OXER1: variants seen among roughly 807,000 people sequenced by gnomAD.
The protein encoded by OXER1 is oxoeicosanoid receptor 1.
For synonymous variants in OXER1, 258 were observed against 245.8 expected (o/e 1.05, Z -0.47); for missense variants, 587 against 551.7 (o/e 1.06, Z -0.64).
exon 1 of OXER1, chr2:42,764,104 T>G (rs1376241893): frequency 6.2e-7 from 1 of 1,614,034 alleles, no homozygotes; most frequent in South Asian, 1.1e-5. Context: ...TTCTGGAGTC[T>G]TCTACCCCTG....
chr2:42,762,925 C>T, exon 1 of OXER1: 2 of 1,612,768 alleles, frequency 1.2e-6, no homozygotes, highest in Non-Finnish European at 1.7e-6. Flanking sequence ...TGGGAGGAGC[C>T]TTCCTTTTCC....
In OXER1 at chr2:42,763,451, G is replaced by A. The variant is rs1029243253; in HGVS notation, c.729C>T (p.Gly243=). Residue 243 remains glycine (G), a synonymous_variant, in exon 1 of 1, where the codon GGC becomes GGT. Coordinates refer to ENST00000378661, the Ensembl canonical transcript of OXER1. The surrounding 1 kb of genome is among the most constrained non-coding windows in gnomAD (Gnocchi z 4.4). ...AGCGGAGCGAGGCCGAGGGCTTCGT[G>A]CCCACCCTGTAGCTGAGGCAGGAGG... 3.2e-6 allele frequency: 5 copies of A among 1,566,802 alleles called. No homozygotes were observed. The highest frequency in any genetic ancestry group is 3.5e-6 in the Non-Finnish European group (4 of 1,156,046).
exon 1 of OXER1, chr2:42,762,941 G>A: frequency 6.2e-7 from 1 of 1,613,482 alleles, no homozygotes. Flanking sequence ...TTTCCAGAGA[G>A]ACCTCGCCCT....
Position 42,763,629 on chromosome 2 carries a change from G to A in OXER1, c.551C>T (p.Thr184Ile). 6.2e-7 allele frequency: 1 copy of A among 1,613,542 alleles called. No homozygotes were observed. The highest frequency in any genetic ancestry group is 8.5e-7 in the Non-Finnish European group (1 of 1,179,772). ...CAGGTAGCGGTTGAGTGCGATGGCTGTGAGGAAGACAACGCTGGCCGTGCG... is the reference window on the plus strand; with the variant it reads ...CAGGTAGCGGTTGAGTGCGATGGCTATGAGGAAGACAACGCTGGCCGTGCG... The change falls in exon 1 of 1, where the codon ACA becomes ATA. Residue 184 changes from threonine (T) to isoleucine (I), a missense_variant. Thr to Ile is a moderately conservative substitution (Grantham distance 89). Coordinates refer to ENST00000378661, the Ensembl canonical transcript of OXER1. This position sits in a 1 kb window ranked among gnomAD's most constrained non-coding sequence, Gnocchi z 4.4.
chr2:42,763,382 C>T lies in OXER1; in HGVS notation c.798G>A (p.Ala266=), dbSNP rs12712859. ...TGCTCACAATAGCAAAGAGGATGAGCGCCAGTGGCAGGAAGAACTCCAGCA... is the reference window on the plus strand; with the variant it reads ...TGCTCACAATAGCAAAGAGGATGAGTGCCAGTGGCAGGAAGAACTCCAGCA... Residue 266 remains alanine, a synonymous_variant, in exon 1 of 1, where the codon GCG becomes GCA. Coordinates refer to ENST00000378661, the Ensembl canonical transcript of OXER1. This position sits in a 1 kb window ranked among gnomAD's most constrained non-coding sequence, Gnocchi z 4.4. 379,446 of 1,605,188 alleles carry T rather than the reference C, an allele frequency of 0.24. 50,172 individuals carry two copies. Among genetic ancestry groups the T allele is most frequent in the East Asian group, 0.63 (28,263 of 44,548 alleles).
exon 1 of OXER1, chr2:42,762,531 A>G (rs1421969715): frequency 4.6e-6 from 1 of 215,398 alleles, no homozygotes; most frequent in Non-Finnish European, 9.2e-6. Context: ...TAATATTGGA[A>G]GGGACAAACT....
rs1479746040 is a variant in OXER1, at chr2:42,763,863, C to A, written c.317G>T (p.Gly106Val). The change falls in exon 1 of 1, where the codon GGC becomes GTC. Residue 106 changes from glycine to valine, a missense_variant. Gly to Val is a moderately radical substitution (Grantham distance 109, BLOSUM62 -3). Coordinates refer to ENST00000378661, the Ensembl canonical transcript of OXER1. This position sits in a 1 kb window ranked among gnomAD's most constrained non-coding sequence, Gnocchi z 4.4. ...GAGGGCCAAACTGTTCCCCACCAGG[C>A]CCAGGACAAACTCCAGGGCCAGGAT... 2 of 1,613,900 alleles carry A rather than the reference C, an allele frequency of 1.2e-6. No individual in the cohort carries two copies. Among genetic ancestry groups the A allele is most frequent in the South Asian group, 2.2e-5 (2 of 91,082 alleles).
Position 42,763,590 on chromosome 2 carries a change from G to T in OXER1, c.590C>A (p.Pro197His). The change falls in exon 1 of 1, where the codon CCC becomes CAC. Residue 197 changes from proline (P) to histidine (H), a missense_variant. Transcript: ENST00000378661. This position sits in a 1 kb window ranked among gnomAD's most constrained non-coding sequence, Gnocchi z 4.4. Reference sequence around the variant, plus strand: ...GGAAGCACGGCTCAGCACGTGGTGGGGCTGCACCACCTTCAGGTAGCGGTT... The same window carrying T: ...GGAAGCACGGCTCAGCACGTGGTGGTGCTGCACCACCTTCAGGTAGCGGTT... 1.2e-6 allele frequency: 2 copies of T among 1,602,642 alleles called. No homozygotes were observed. The highest frequency in any genetic ancestry group is 1.7e-6 in the Non-Finnish European group (2 of 1,174,848).
Position 42,762,936 on chromosome 2 carries a change from A to G in OXER1, c.1244T>C (p.Leu415Pro), listed in dbSNP as rs754291238. 1.6e-5 allele frequency: 26 copies of G among 1,613,178 alleles called. No individual in the cohort carries two copies. In the East Asian group the frequency reaches 5.8e-4, roughly 36 times the overall value. ...GCCCTGGGAGGAGCCTTCCTTTTCCAGAGAGACCTCGCCCTGCACTTTCAG... is the reference window on the plus strand; with the variant it reads ...GCCCTGGGAGGAGCCTTCCTTTTCCGGAGAGACCTCGCCCTGCACTTTCAG... Residue 415 changes from leucine (L) to proline (P), a missense_variant, in exon 1 of 1, where the codon CTG becomes CCG. Transcript: ENST00000378661.
At position 42,763,499 on chromosome 2, in the gene OXER1, C is replaced by G. The variant is rs1156308501; in HGVS notation, c.681G>C (p.Leu227=). 1 of 1,555,282 alleles carries G rather than the reference C, an allele frequency of 6.4e-7. No homozygotes were observed. Among genetic ancestry groups the G allele is most frequent in the African/African-American group, 1.4e-5 (1 of 73,474 alleles). The change falls in exon 1 of 1, where the codon CTG becomes CTC. Residue 227 remains leucine (L), a synonymous_variant. Coordinates refer to ENST00000378661, the Ensembl canonical transcript of OXER1. The surrounding 1 kb of genome is among the most constrained non-coding windows in gnomAD (Gnocchi z 4.4). ...AGGGGCCGGAGAAGGTGCTCAGGAG[C>G]AGGTGCCCGTTGAGGAGCAGGATGC...
At position 42,763,119 on chromosome 2, in the gene OXER1, A is replaced by G. The variant is rs1396937530; in HGVS notation, c.1061T>C (p.Leu354Pro). 1 of 1,614,188 alleles carries G rather than the reference A, an allele frequency of 6.2e-7. No homozygotes were observed. Among genetic ancestry groups the G allele is most frequent in the East Asian group, 2.2e-5 (1 of 44,878 alleles). The change falls in exon 1 of 1, where the codon CTC becomes CCC. Residue 354 changes from leucine to proline, a missense_variant. Leu to Pro is a moderately conservative substitution (Grantham distance 98, BLOSUM62 -3). Transcript: ENST00000378661. This position sits in a 1 kb window ranked among gnomAD's most constrained non-coding sequence, Gnocchi z 4.4. ...GAAGTTGGGGCTAGAGAAGCAGTAG[A>G]GCACGGGGTCCAGGACACTGTTGAG...
chr2:42,762,665 G>A (rs1425138445), exon 1 of OXER1: 5 of 525,890 alleles, frequency 9.5e-6, no homozygotes, highest in East Asian at 6.3e-5. Flanking sequence ...CACCTTGCCT[G>A]TCTCCTCCAC....
chr2:42,764,135 T>G (rs1670570332), exon 1 of OXER1: 1 of 1,613,718 alleles, frequency 6.2e-7, no homozygotes. Context: ...CAGGGCAAAG[T>G]GGGATGATTG....
exon 1 of OXER1, chr2:42,762,962 C>T: frequency 2.5e-6 from 4 of 1,613,808 alleles, no homozygotes; most frequent in Non-Finnish European, 3.4e-6. Flanking sequence ...GCACTTTCAG[C>T]TTCCCTATGG....
chr2:42,763,003 G>T lies in OXER1; in HGVS notation c.1177C>A (p.Arg393Ser), dbSNP rs374132247. 1.2e-6 allele frequency: 2 copies of T among 1,614,016 alleles called. No individual in the cohort carries two copies. The highest frequency in any genetic ancestry group is 4.5e-5 in the East Asian group (2 of 44,884). ...GCCTTCCTAGAGGCCTCCCGGTAGC[G>T]CCACTGCCTGGAGGGTTGGTAGGAG... The change falls in exon 1 of 1, where the codon CGC becomes AGC. Residue 393 changes from arginine (R) to serine (S), a missense_variant. Coordinates refer to ENST00000378661, the Ensembl canonical transcript of OXER1. The surrounding 1 kb of genome is among the most constrained non-coding windows in gnomAD (Gnocchi z 4.4).
chr2:42,762,611 C>A, exon 1 of OXER1: 1 of 426,098 alleles, frequency 2.3e-6, no homozygotes, highest in East Asian at 3.9e-5. Flanking sequence ...GGCGTCTGTC[C>A]CCTGCAGCTG....
chr2:42,764,091 A>G lies in OXER1; in HGVS notation c.89T>C (p.Leu30Pro), dbSNP rs144881693. ...CTGCTTGGGCCATGGGCCTGAGAGA[A>G]GGTTCTGGAGTCTTCTACCCCTGCA... The change falls in exon 1 of 1, where the codon CTT (leucine) becomes CCT (proline). Residue 30 changes from leucine to proline, a missense_variant. Coordinates refer to ENST00000378661, the Ensembl canonical transcript of OXER1. The G allele has an allele frequency of 3.2e-5, 52 of 1,614,054 alleles. No homozygotes were observed. In the African/African-American group the frequency reaches 6.4e-4, roughly 20 times the overall value.
At chr2:42,764,071 T>G in exon 1 of OXER1, 1 of 1,613,984 alleles carries the variant, frequency 6.2e-7, no homozygotes, top group Non-Finnish European at 8.5e-7. Context: ...ATGGGCTGCT[T>G]GGGCCATGGG....
In OXER1 at chr2:42,762,969, A is replaced by G. The variant is rs143925997; in HGVS notation, c.1211T>C (p.Ile404Thr). Residue 404 changes from isoleucine (I) to threonine (T), a missense_variant, in exon 1 of 1, where the codon ATA (isoleucine) becomes ACA (threonine). Physicochemically the swap from Ile to Thr is moderately conservative, Grantham distance 89. Transcript: ENST00000378661. ...CTCGCCCTGCACTTTCAGCTTCCCTATGGCCTCCGCCTTCCTAGAGGCCTC... is the reference window on the plus strand; with the variant it reads ...CTCGCCCTGCACTTTCAGCTTCCCTGTGGCCTCCGCCTTCCTAGAGGCCTC... 1.9e-4 allele frequency: 304 copies of G among 1,613,656 alleles called. 1 individual carries two copies. In the African/African-American group the frequency reaches 3.3e-3, roughly 17 times the overall value.
Sources: gnomAD v4.1 joint callset for allele counts on GRCh38, gnomAD v4.1.1 for gene constraint, Gnocchi (gnomAD v3.1) non-coding constraint, MANE v1.5 for transcripts, NCBI Gene and HGNC (gene_info 2026-07-23, HGNC 2026-07-21) for gene names.